Variants in CSMD1 observed in about 807,000 individuals in gnomAD.
CSMD1 encodes the protein CUB and Sushi multiple domains 1.
Under a neutral mutation model 417.5 loss-of-function variants are expected in CSMD1, and 213 were observed. The ratio of observed to expected loss-of-function variants is 0.51; its 90% CI spans 0.46 to 0.57. The LOEUF (loss-of-function observed/expected upper bound fraction) is 0.57, where lower values mean the gene tolerates loss of function less well. Among genes scored for constraint, CSMD1 ranks in the 20% least tolerant of loss-of-function variants. The pLI is 0.00. For missense variants in CSMD1, 6,923 were observed against 4,529.7 expected (o/e 1.53, Z -15.17); for synonymous variants, 2,862 against 1,736.8 (o/e 1.65, Z -16.11).
intron 1 of CSMD1, among the ~76,000 whole-genome samples, chr8:4,828,404 A>G (rs1799954580): frequency 6.6e-6 from 1 of 152,176 alleles, no homozygotes. Flanking sequence ...TAGTTATTTG[A>G]TGACATAACC....
At chr8:3,607,474 CAAGT>C (rs1801675321) in intron 8 of CSMD1, among the ~76,000 whole-genome samples, 1 of 152,184 alleles carries the variant, frequency 6.6e-6, no homozygotes, top group Non-Finnish European at 1.5e-5. Flanking sequence ...TTCTCATTAT[CAAGT>C]ATGTGCTAGC....
Position 3,587,706 on chromosome 8 carries a change from T to G in CSMD1, c.1098-1446A>C, listed in dbSNP as rs1173955058. On this transcript the variant is annotated intron_variant, in intron 8 of 69. Coordinates refer to ENST00000635120, the MANE Select transcript of CSMD1 (RefSeq NM_033225.6). ...CTGGGAAAATTCTAGGTAAACAAAA[T>G]TAAACACATTTCTTTTCTAAAGGGG... 4.6e-5 allele frequency among the ~76,000 whole-genome samples: 7 copies of G among 152,184 alleles called. No individual in the cohort carries two copies. In the East Asian group the frequency reaches 1.2e-3, roughly 25 times the overall value.
intron 3 of CSMD1, among the ~76,000 whole-genome samples, chr8:4,061,823 C>G (rs975369636): frequency 2.6e-5 from 4 of 152,174 alleles, no homozygotes; most frequent in Admixed American, 6.5e-5. Flanking sequence ...TGATGCTTCA[C>G]TTTAGAAGAA....
chr8:4,047,097 T>C (rs558127191), intron 3 of CSMD1, among the ~76,000 whole-genome samples: 16 of 152,310 alleles, frequency 1.1e-4, no homozygotes, highest in East Asian at 5.8e-4. Flanking sequence ...CTCTATGGCA[T>C]TGAAGCTGTG....
intron 23 of CSMD1, among the ~76,000 whole-genome samples, chr8:3,329,137 T>A (rs541522959): frequency 6.6e-6 from 1 of 152,182 alleles, no homozygotes; most frequent in South Asian, 2.1e-4. Context: ...GGAAGATATG[T>A]AATTGAAGGA....
chr8:3,008,516 A>G (rs559325842), intron 52 of CSMD1, among the ~76,000 whole-genome samples: 7 of 152,326 alleles, frequency 4.6e-5, no homozygotes, highest in Non-Finnish European at 8.8e-5. Flanking sequence ...AGTGTAAGTT[A>G]TAAAACACCT....
At chr8:3,504,661 T>A (rs1796748580) in intron 10 of CSMD1, among the ~76,000 whole-genome samples, 2 of 152,208 alleles carry the variant, frequency 1.3e-5, no homozygotes, top group Admixed American at 6.5e-5. Context: ...TCCAATTTTA[T>A]CTAAAATGAC....
At chr8:4,242,365 A>G (rs1312776134) in intron 3 of CSMD1, among the ~76,000 whole-genome samples, 1 of 152,192 alleles carries the variant, frequency 6.6e-6, no homozygotes, top group East Asian at 1.9e-4. Context: ...GTAATCAAAG[A>G]GCTGTAAATG....
intron 3 of CSMD1, among the ~76,000 whole-genome samples, chr8:4,248,414 G>T (rs935158440): frequency 6.6e-6 from 1 of 152,282 alleles, no homozygotes; most frequent in East Asian, 1.9e-4. Context: ...GCTTATAAAA[G>T]AAGAGAGCCC....
intron 13 of CSMD1, 71 bp from the exon 14 acceptor site, chr8:3,408,296 C>G (rs1054663879): frequency 1.6e-6 from 2 of 1,243,184 alleles, no homozygotes; most frequent in Admixed American, 4.9e-5. Flanking sequence ...AAACAGACAG[C>G]TAAGAACCTG....
intron 1 of CSMD1, among the ~76,000 whole-genome samples, chr8:4,756,409 C>T (rs1276785410): frequency 1.3e-5 from 2 of 152,072 alleles, no homozygotes; most frequent in Non-Finnish European, 2.9e-5. Flanking sequence ...AGTTGAAGAA[C>T]AGTGGTGAGT....
intron 3 of CSMD1, among the ~76,000 whole-genome samples, chr8:4,165,217 C>G (rs1369809668): frequency 6.6e-6 from 1 of 152,176 alleles, no homozygotes; most frequent in Non-Finnish European, 1.5e-5. Flanking sequence ...TACACACCCT[C>G]CAGGTGTCAC....
Position 4,184,983 on chromosome 8 carries a change from A to C in CSMD1, c.416-152884T>G, listed in dbSNP as rs78528238. On this transcript the variant is annotated intron_variant, in intron 3 of 69. Transcript: ENST00000635120. Reference sequence around the variant, plus strand: ...TGAAACCCCATCTCTATTAAAAAATACAAAAATTAGCTGGGCCTGGTGGTG... The same window carrying C: ...TGAAACCCCATCTCTATTAAAAAATCCAAAAATTAGCTGGGCCTGGTGGTG... Among the ~76,000 whole-genome samples the C allele has an allele frequency of 6.0e-3, 919 of 152,022 alleles. 40 individuals are homozygous for C. In the East Asian group the frequency reaches 0.11, roughly 18 times the overall value.
At chr8:4,130,926 G>A (rs2130979270) in intron 3 of CSMD1, among the ~76,000 whole-genome samples, 1 of 152,052 alleles carries the variant, frequency 6.6e-6, no homozygotes, top group Admixed American at 6.5e-5. Flanking sequence ...TAATTATTCA[G>A]GCTTTCTGAA....
At chr8:4,389,675 A>C (rs1057038269) in intron 3 of CSMD1, among the ~76,000 whole-genome samples, 7 of 152,150 alleles carry the variant, frequency 4.6e-5, no homozygotes, top group African/African-American at 1.7e-4. Flanking sequence ...CTTTATTTTT[A>C]ATTTGGGGTA....
chr8:4,717,581 T>TCCAA (rs1808763413), intron 1 of CSMD1, among the ~76,000 whole-genome samples: 1 of 136,730 alleles, frequency 7.3e-6, no homozygotes, highest in Non-Finnish European at 1.6e-5. Context: ...CATCCATCCA[T>TCCAA]CCATACATCC....
intron 4 of CSMD1, among the ~76,000 whole-genome samples, chr8:4,010,865 C>G (rs146659560): frequency 3.3e-5 from 5 of 152,294 alleles, no homozygotes; most frequent in East Asian, 1.9e-4. Context: ...GGTAAAACAG[C>G]TGGAGGAATT....
At chr8:3,809,710 C>G (rs575480880) in intron 5 of CSMD1, among the ~76,000 whole-genome samples, 1 of 152,156 alleles carries the variant, frequency 6.6e-6, no homozygotes, top group South Asian at 2.1e-4. Flanking sequence ...GACACTGCCA[C>G]GAATCTATAG....
At chr8:4,418,940 G>C (rs1339559197) in intron 3 of CSMD1, among the ~76,000 whole-genome samples, 2 of 152,160 alleles carry the variant, frequency 1.3e-5, no homozygotes, top group African/African-American at 2.4e-5. Context: ...AAAAGGATAA[G>C]TCGGTCCATT....
Sources: gnomAD v4.1 joint callset for allele counts (sites outside exome capture counted in the v4.1 genomes callset) on GRCh38, gnomAD v4.1.1 for gene constraint, MANE v1.5 for transcripts, NCBI Gene and HGNC (gene_info 2026-07-23, HGNC 2026-07-21) for gene names.